The following KDM4C variants were observed in gnomAD, a reference collection of about 807,000 sequenced individuals.
KDM4C encodes the protein lysine demethylase 4C.
In KDM4C, 81 loss-of-function variants were observed where a neutral mutation model predicts 129.3. The observed-to-expected ratio is 0.63, with a 90% confidence interval of 0.52 to 0.75. The LOEUF (loss-of-function observed/expected upper bound fraction) is 0.75. Among genes scored for constraint, KDM4C ranks in the 30% least tolerant of loss-of-function variants. The pLI, the probability that KDM4C is intolerant of heterozygous loss-of-function variation, is 0.00. For missense variants in KDM4C, 1,457 were observed against 1,304.0 expected, an observed-to-expected ratio of 1.12 and a Z score of -1.81; for synonymous variants, 573 against 456.1, an observed-to-expected ratio of 1.26 and a Z score of -3.26.
At chr9:6,916,254 C>G (rs1183835767) in intron 8 of KDM4C, among the ~76,000 whole-genome samples, 1 of 151,788 alleles carries the variant, frequency 6.6e-6, no homozygotes, top group African/African-American at 2.4e-5. Context: ...CTTTTTTATT[C>G]TGAGTGATGG....
At position 7,093,775 on chromosome 9, in the gene KDM4C, G is replaced by T. The variant is rs140130790; in HGVS notation, c.2425-9910G>T. The stretch of plus-strand genomic sequence containing the variant: ...CTATTAATGCATTAAGTACTTAGTT[G>T]TATAATGTCTAAGTAATTATAAGCA... On this transcript the variant is annotated intron_variant, in intron 17 of 21. Coordinates refer to ENST00000381309, the MANE Select transcript of KDM4C (RefSeq NM_015061.6). 2.0e-5 allele frequency among the ~76,000 whole-genome samples: 3 copies of T among 152,324 alleles called. No individual in the cohort carries two copies. The East Asian group carries it at 5.8e-4, about 29-fold the overall frequency.
intron 4 of KDM4C, among the ~76,000 whole-genome samples, chr9:6,841,900 G>A (rs928947728): frequency 1.3e-5 from 2 of 152,216 alleles, no homozygotes; most frequent in Admixed American, 1.3e-4. Context: ...GTTCAGGGCT[G>A]TGCTAGATCC....
At chr9:6,975,366 T>C (rs1563917526) in intron 8 of KDM4C, among the ~76,000 whole-genome samples, 1 of 152,152 alleles carries the variant, frequency 6.6e-6, no homozygotes, top group Non-Finnish European at 1.5e-5. Context: ...ATAAAGAAGA[T>C]TGAGATGGAA....
At chr9:7,017,792 A>T (rs1243487116) in intron 15 of KDM4C, among the ~76,000 whole-genome samples, 1 of 152,182 alleles carries the variant, frequency 6.6e-6, no homozygotes, top group Non-Finnish European at 1.5e-5. Flanking sequence ...TGAAGTTAAA[A>T]ACCTGAATGA....
At chr9:7,003,362 C>A (rs577889667) in intron 12 of KDM4C, among the ~76,000 whole-genome samples, 1 of 151,490 alleles carries the variant, frequency 6.6e-6, no homozygotes, top group Non-Finnish European at 1.5e-5. Context: ...TAAGAAACTT[C>A]AGCCACGCTG....
At chr9:7,014,757 A>T (rs1415216378) in intron 14 of KDM4C, among the ~76,000 whole-genome samples, 5 of 152,094 alleles carry the variant, frequency 3.3e-5, no homozygotes, top group Non-Finnish European at 7.4e-5. Context: ...TTCTGTATTT[A>T]CCTCAGAGTA....
At chr9:6,862,760 T>C (rs1841171406) in intron 5 of KDM4C, among the ~76,000 whole-genome samples, 1 of 152,024 alleles carries the variant, frequency 6.6e-6, no homozygotes, top group Non-Finnish European at 1.5e-5. Context: ...TGAGCCGAGA[T>C]CACGCCACTG....
intron 5 of KDM4C, among the ~76,000 whole-genome samples, chr9:6,876,627 C>T (rs1487257193): frequency 6.6e-6 from 1 of 152,172 alleles, no homozygotes; most frequent in Non-Finnish European, 1.5e-5. Flanking sequence ...TGTTTGGCTT[C>T]AAATTGCTGC....
intron 18 of KDM4C, among the ~76,000 whole-genome samples, chr9:7,110,976 A>G (rs1297914528): frequency 6.6e-6 from 1 of 152,214 alleles, no homozygotes; most frequent in Admixed American, 6.5e-5. Flanking sequence ...GACTGCCTTA[A>G]AACTGTTCAG....
At chr9:6,775,308 T>C (rs72699644) in intron 1 of KDM4C, among the ~76,000 whole-genome samples, 14,692 of 151,724 alleles carry the variant, frequency 0.097, 832 homozygotes, top group Non-Finnish European at 0.11. Context: ...TGAGCCATCC[T>C]GCTTGGTGAT....
chr9:6,731,982 A>G (rs1305773359), intron 1 of KDM4C, among the ~76,000 whole-genome samples: 1 of 152,128 alleles, frequency 6.6e-6, no homozygotes, highest in Non-Finnish European at 1.5e-5. Context: ...GACTATTATC[A>G]TCACTATCAG....
intron 8 of KDM4C, among the ~76,000 whole-genome samples, chr9:6,917,282 C>T (rs1321030629): frequency 6.6e-6 from 1 of 152,176 alleles, no homozygotes; most frequent in African/African-American, 2.4e-5. Context: ...TCTACACCAC[C>T]TGTCTCTCAA....
At chr9:6,723,038 G>T (rs1817008209) in intron 1 of KDM4C, among the ~76,000 whole-genome samples, 1 of 152,036 alleles carries the variant, frequency 6.6e-6, no homozygotes, top group African/African-American at 2.4e-5. Flanking sequence ...AACTCAAACA[G>T]CAAGAGATTT....
intron 21 of KDM4C, 67 bp from the exon 22 acceptor site, chr9:7,174,486 A>G: frequency 6.7e-7 from 1 of 1,489,996 alleles, no homozygotes; most frequent in Non-Finnish European, 9.3e-7. Context: ...ACCGAGTCAG[A>G]TCTTTGTCCA....
At chr9:6,808,867 T>G (rs954195549) in intron 3 of KDM4C, among the ~76,000 whole-genome samples, 1 of 152,068 alleles carries the variant, frequency 6.6e-6, no homozygotes, top group African/African-American at 2.4e-5. Flanking sequence ...GTCACAATTA[T>G]TATTATTAAA....
intron 6 of KDM4C, among the ~76,000 whole-genome samples, chr9:6,883,419 GTA>G (rs1844779760): frequency 6.6e-6 from 1 of 152,166 alleles, no homozygotes; most frequent in Non-Finnish European, 1.5e-5. Context: ...GTGCGTCAGG[GTA>G]TGTTTATTTT....
intron 15 of KDM4C, among the ~76,000 whole-genome samples, chr9:7,043,057 A>T (rs1245203728): frequency 6.6e-6 from 1 of 152,072 alleles, no homozygotes; most frequent in Non-Finnish European, 1.5e-5. Flanking sequence ...ATTGGGTTGG[A>T]TGATTTTAGG....
At chr9:6,878,363 C>T (rs907760355) in intron 5 of KDM4C, among the ~76,000 whole-genome samples, 1 of 152,176 alleles carries the variant, frequency 6.6e-6, no homozygotes, top group Non-Finnish European at 1.5e-5. Flanking sequence ...GAGACACTGT[C>T]TTCCATCTAA....
chr9:6,941,864 CTT>C (rs201307933), intron 8 of KDM4C: 39,327 of 152,178 alleles, frequency 0.26, 5,527 homozygotes, highest in South Asian at 0.42. Context: ...CTCTCTCTCT[CTT>C]GTGTGTGTGT....
Sources: allele counts gnomAD v4.1 joint callset (sites outside exome capture counted in the v4.1 genomes callset), GRCh38; gene constraint gnomAD v4.1.1; transcripts MANE v1.5; gene names NCBI Gene and HGNC (gene_info 2026-07-23, HGNC 2026-07-21).